Variants in GSG1L observed in about 807,000 individuals in gnomAD.
GSG1L encodes the protein GSG1 like.
GSG1L carries 24 observed loss-of-function variants against 42.1 expected under a neutral mutation model. The observed-to-expected ratio is 0.57, with a 90% CI of 0.41 to 0.80. The LOEUF (loss-of-function observed/expected upper bound fraction) is 0.80, where lower values mean the gene tolerates loss of function less well. Ranked by LOEUF, GSG1L falls within the 30% of genes least tolerant of loss-of-function variation. The probability of loss-of-function intolerance (pLI) is 0.00; values close to 1 mark genes in which losing one functional copy is unlikely to be tolerated. For missense variants in GSG1L, 445 were observed against 472.2 expected (o/e 0.94, Z 0.53); for synonymous variants, 215 against 203.5 (o/e 1.06, Z -0.48).
At chr16:27,963,529 A>G (rs62033519) in intron 1 of GSG1L, among the ~76,000 whole-genome samples, 24,494 of 151,970 alleles carry the variant, frequency 0.16, 2,510 homozygotes, top group Non-Finnish European at 0.23. Context: ...GCCCCTCTCC[A>G]ATTCATTCTC....
chr16:27,866,403 A>G (rs2141005355), intron 3 of GSG1L, among the ~76,000 whole-genome samples: 1 of 152,216 alleles, frequency 6.6e-6, no homozygotes, highest in Non-Finnish European at 1.5e-5. Flanking sequence ...AATCTGCACA[A>G]CCCCACCAGT....
At chr16:27,821,072 C>T (rs2083146564) in intron 5 of GSG1L, among the ~76,000 whole-genome samples, 1 of 152,208 alleles carries the variant, frequency 6.6e-6, no homozygotes, top group African/African-American at 2.4e-5. Context: ...TGTGAAGCCT[C>T]TTCTATCCTA....
chr16:27,974,317 C>G (rs1463685530), intron 1 of GSG1L, among the ~76,000 whole-genome samples: 1 of 152,144 alleles, frequency 6.6e-6, no homozygotes, highest in East Asian at 1.9e-4. Context: ...ATTAGCTCAG[C>G]CAAAATCTTG....
Position 27,870,666 on chromosome 16 carries a change from G to A in GSG1L, c.550+13820C>T, listed in dbSNP as rs550248610. 1.8e-4 allele frequency among the ~76,000 whole-genome samples: 28 copies of A among 151,516 alleles called. 1 individual carries two copies. Among genetic ancestry groups the A allele is most frequent in the African/African-American group, 6.6e-4 (27 of 40,890 alleles). Reference sequence around the variant, plus strand: ...GGAGGTCCTGCCTCAAACCTCACACGCCCAGAATGCACCACTGTCCTCCTT... The same window carrying A: ...GGAGGTCCTGCCTCAAACCTCACACACCCAGAATGCACCACTGTCCTCCTT... On this transcript the variant is annotated intron_variant, in intron 3 of 6. Transcript: ENST00000447459.
At chr16:27,880,222 C>T (rs1286605877) in intron 3 of GSG1L, among the ~76,000 whole-genome samples, 2 of 152,254 alleles carry the variant, frequency 1.3e-5, no homozygotes, top group Non-Finnish European at 1.5e-5. Context: ...CCCATGTCTT[C>T]CTGGCCAGAC....
At chr16:27,967,407 T>G (rs1439657027) in intron 1 of GSG1L, among the ~76,000 whole-genome samples, 2 of 152,202 alleles carry the variant, frequency 1.3e-5, no homozygotes, top group African/African-American at 4.8e-5. Flanking sequence ...CGGCCACAGA[T>G]GGGTGAACCC....
chr16:27,892,143 C>T (rs1179854301), intron 2 of GSG1L, among the ~76,000 whole-genome samples: 1 of 151,966 alleles, frequency 6.6e-6, no homozygotes, highest in Non-Finnish European at 1.5e-5. Flanking sequence ...AATCTAAAGT[C>T]CCATTTTTAA....
intron 6 of GSG1L, among the ~76,000 whole-genome samples, chr16:27,805,756 T>G (rs1443311010): frequency 3.6e-4 from 2 of 5,518 alleles, no homozygotes; most frequent in Non-Finnish European, 7.1e-4. Context: ...GGGATTGGGG[T>G]GGGGGGAGGG....
At chr16:27,941,378 A>G (rs1170491358) in intron 2 of GSG1L, among the ~76,000 whole-genome samples, 1 of 151,342 alleles carries the variant, frequency 6.6e-6, no homozygotes, top group African/African-American at 2.4e-5. Flanking sequence ...AGGCATAAGA[A>G]TGACACAATG....
At chr16:27,877,512 G>A (rs879173119) in intron 3 of GSG1L, among the ~76,000 whole-genome samples, 2 of 151,854 alleles carry the variant, frequency 1.3e-5, no homozygotes. Context: ...TAGCAGTATC[G>A]TGAGCTCCAA....
chr16:28,031,233 GATGGGATGGGGTGGGATAAGATGGA>G (rs1249439663), intron 1 of GSG1L, among the ~76,000 whole-genome samples: 21 of 133,052 alleles, frequency 1.6e-4, no homozygotes, highest in Admixed American at 5.2e-4. Context: ...GATGGGATGG[GATGGGATGGGGTGGGATAAGATGGA>G]ATGGGATGGG....
At chr16:27,985,605 A>G (rs1199001950) in intron 1 of GSG1L, among the ~76,000 whole-genome samples, 1 of 152,020 alleles carries the variant, frequency 6.6e-6, no homozygotes, top group Non-Finnish European at 1.5e-5. Context: ...GCACTTTGGG[A>G]GGCCGAGGTG....
At position 27,828,801 on chromosome 16, in the gene GSG1L, T is replaced by C; in HGVS notation, c.818A>G (p.Tyr273Cys). Residue 273 changes from tyrosine to cysteine, a missense_variant, in exon 5 of 7, where the codon TAC becomes TGC. Physicochemically the swap from Tyr to Cys is radical, Grantham distance 194 (BLOSUM62 -2). This residue lies in a region of GSG1L where 140 missense variants were observed against 120.6 expected (regional missense o/e 1.16). Transcript: ENST00000447459. ...CCTGTGCACTGACCTCTCCCGGAAG[T>C]ACTTGATGGCCTCAGGGTCTATGAA... is the stretch of plus-strand genomic sequence containing the variant. Reference protein sequence around the residue: ...PTFIDPEAIKYFRERMEKRDG... With the variant: ...PTFIDPEAIKCFRERMEKRDG... 1 of 1,613,970 alleles carries C rather than the reference T, an allele frequency of 6.2e-7. No homozygotes were observed.
intron 3 of GSG1L, among the ~76,000 whole-genome samples, chr16:27,867,024 A>G (rs905050709): frequency 6.6e-6 from 1 of 152,196 alleles, no homozygotes; most frequent in African/African-American, 2.4e-5. Flanking sequence ...GGGCAGAAAG[A>G]TTCAAATGTG....
chr16:27,849,410 G>C (rs951503575), intron 3 of GSG1L, among the ~76,000 whole-genome samples: 21 of 152,286 alleles, frequency 1.4e-4, no homozygotes, highest in Non-Finnish European at 2.1e-4. Flanking sequence ...TCTGATTACT[G>C]TGTGGAGACA....
chr16:27,817,967 G>A (rs947290519), intron 5 of GSG1L, among the ~76,000 whole-genome samples: 15 of 152,134 alleles, frequency 9.9e-5, no homozygotes, highest in African/African-American at 2.7e-4. Context: ...CCAGTACTTC[G>A]CAAATTTAAC....
chr16:27,984,944 G>A (rs1567544955), intron 1 of GSG1L, among the ~76,000 whole-genome samples: 1 of 151,974 alleles, frequency 6.6e-6, no homozygotes. Flanking sequence ...TTTTTGTAGA[G>A]ATGGGGTTTT....
chr16:27,973,386 G>C (rs1318716648), intron 1 of GSG1L, among the ~76,000 whole-genome samples: 2 of 135,804 alleles, frequency 1.5e-5, no homozygotes, highest in African/African-American at 5.6e-5. Context: ...GGAGGTTGCA[G>C]TGAGCTGAGA....
chr16:27,887,279 G>A (rs1412183397), intron 2 of GSG1L, among the ~76,000 whole-genome samples: 2 of 152,096 alleles, frequency 1.3e-5, no homozygotes, highest in African/African-American at 4.8e-5. Flanking sequence ...TTTCTACCAC[G>A]TTTGAGGCTA....
Sources: gnomAD v4.1 joint callset for allele counts (sites outside exome capture counted in the v4.1 genomes callset) on GRCh38, gnomAD v4.1.1 for gene constraint, gnomAD v4.1.1 regional missense constraint, MANE v1.5 for transcripts, NCBI Gene and HGNC (gene_info 2026-07-23, HGNC 2026-07-21) for gene names.